SELENOH: variants seen among roughly 807,000 people sequenced by gnomAD.
The protein encoded by SELENOH is chromosome 11 open reading frame 31.
A neutral mutation model predicts 11.9 loss-of-function variants in SELENOH; 13 were observed. The ratio of observed to expected loss-of-function variants is 1.09; its 90% CI spans 0.71 to 1.74. SELENOH has a LOEUF of 1.74. Ranked by LOEUF, SELENOH falls within the 40% of genes most tolerant of loss-of-function variation. SELENOH has a pLI of 0.00. For synonymous variants in SELENOH, 96 were observed against 73.5 expected (o/e 1.31, Z -1.56); for missense variants, 223 against 170.3 (o/e 1.31, Z -1.72).
chr11:57,741,761 C>CA, intron 1 of SELENOH, 44 bp downstream of exon 1: 1 of 1,590,720 alleles, frequency 6.3e-7, no homozygotes, highest in East Asian at 2.3e-5. Context: ...ACAGTGGCGC[C>CA]GGGGGGGGCC....
chr11:57,741,807 A>G lies in SELENOH; in HGVS notation c.123-2A>G, dbSNP rs533666992. 1.2e-6 allele frequency: 2 copies of G among 1,605,560 alleles called. No individual in the cohort carries two copies. Among genetic ancestry groups the G allele is most frequent in the South Asian group, 1.1e-5 (1 of 89,712 alleles). ...GTTTCTAACCTCTCCGTCTCTCCCT[A>G]GCACTAGCTGACGCGTCTATGGGCG... is the stretch of plus-strand genomic sequence containing the variant. On this transcript the variant is annotated splice_acceptor_variant, in intron 1 of 3. Transcript: ENST00000534355. LOFTEE classifies it high-confidence loss of function.
rs763241805 is a variant in SELENOH at position 57,741,647 on chromosome 11, G to A, written c.52G>A (p.Ala18Thr). The A allele has an allele frequency of 2.8e-6, 4 of 1,415,366 alleles. No homozygotes were observed. The Admixed American group carries it at 1.2e-4, about 41-fold the overall frequency. 87.7% of individuals were successfully genotyped at this position (1,415,366 alleles called of 1,614,324 possible). ...RKAEAAVVAV[A>T]EKREKLANGG... is the part of the protein sequence containing the mutation. Reference sequence around the variant, plus strand: ...GGCTGAGGCCGCGGTGGTCGCCGTAGCCGAGAAGCGAGAGAAGCTGGCGAA... The same window carrying A: ...GGCTGAGGCCGCGGTGGTCGCCGTAACCGAGAAGCGAGAGAAGCTGGCGAA... Residue 18 changes from alanine (A) to threonine (T), a missense_variant, in exon 1 of 4, where the codon GCC becomes ACC. Ala to Thr is a moderately conservative substitution (Grantham distance 58). Transcript: ENST00000534355.
Position 57,741,710 on chromosome 11 carries a change from G to C in SELENOH, c.115G>C (p.Glu39Gln). 1.3e-6 allele frequency: 2 copies of C among 1,562,994 alleles called. No homozygotes were observed. The highest frequency in any genetic ancestry group is 1.7e-6 in the Non-Finnish European group (2 of 1,160,134). ...EGMEEATVVIEHCTSURVYGR... is the reference protein window; with the variant it reads ...EGMEEATVVIQHCTSURVYGR... ...AATGGAGGAGGCGACCGTTGTTATC[G>C]AGCATTGGTGAGGGGCCTGGAGAGT... The change falls in exon 1 of 4, where the codon GAG (glutamate) becomes CAG (glutamine). Residue 39 changes from glutamate to glutamine, a missense_variant. Coordinates refer to ENST00000534355, the MANE Select transcript of SELENOH (RefSeq NM_170746.4).
rs747142755 is a variant in SELENOH at position 57,743,149 on chromosome 11, T to A, written c.*317T>A. On this transcript the variant is annotated 3_prime_UTR_variant, in exon 4 of 4. Coordinates refer to ENST00000534355, the MANE Select transcript of SELENOH (RefSeq NM_170746.4). ...AAGATAGCCATGTGACCTGGAACTT[T>A]TAAAAAAAAATTTTTTTTTAAGAGC... 1 of 152,370 alleles carries A rather than the reference T, an allele frequency of 6.6e-6. No homozygotes were observed. Among genetic ancestry groups the A allele is most frequent in the Non-Finnish European group, 1.5e-5 (1 of 68,052 alleles). The allele number at this position is 152,370 out of a possible 1,614,324, so 9.4% of individuals were successfully genotyped here.
chr11:57,741,997 AG>A, intron 2 of SELENOH, 43 bp downstream of exon 2: 1 of 1,578,982 alleles, frequency 6.3e-7, no homozygotes, highest in Non-Finnish European at 8.6e-7. Flanking sequence ...CGTGGGTGAA[AG>A]GGACGTGGGT....
At position 57,741,890 on chromosome 11, in the gene SELENOH, G is replaced by C. The variant is rs746001100; in HGVS notation, c.204G>C (p.Lys68Asn). 2 of 1,594,586 alleles carry C rather than the reference G, an allele frequency of 1.3e-6. No individual in the cohort carries two copies. The highest frequency in any genetic ancestry group is 3.7e-5 in the Admixed American group (2 of 54,272). The part of the protein sequence containing the change: ...LRLEAPELPV[K>N]VNPTKPRRGS... ...TGGAGGCCCCAGAGCTTCCAGTAAA[G>C]GTGAACCCGACGAAGCCCCGGAGGG... The change falls in exon 2 of 4, where the codon AAG (lysine) becomes AAC (asparagine). Residue 68 changes from lysine (K) to asparagine (N), a missense_variant. Transcript: ENST00000534355.
chr11:57,742,441 A>G, intron 3 of SELENOH, 194 bp downstream of exon 3: 1 of 546,398 alleles, frequency 1.8e-6, no homozygotes, highest in South Asian at 2.1e-5. Context: ...AAGACACAAT[A>G]TTGTTTTCTG....
chr11:57,742,026 C>T, intron 2 of SELENOH, 72 bp downstream of exon 2: 1 of 1,583,074 alleles, frequency 6.3e-7, no homozygotes, highest in Non-Finnish European at 8.6e-7. Flanking sequence ...ACAGGAAGCG[C>T]TATTCTTAGA....
chr11:57,741,701 GT>G lies in SELENOH; in HGVS notation c.108del (p.Val37LeufsTer18). ...CGGGGAGGGAATGGAGGAGGCGACC[GT>G]TGTTATCGAGCATTGGTGAGGGGCC... ...NGGEGMEEAT[V>X]VIEHCTSURV... On this transcript the variant is annotated frameshift_variant, in exon 1 of 4. Transcript: ENST00000534355. LOFTEE classifies it high-confidence loss of function. 3 of 1,547,194 alleles carry G rather than the reference GT, an allele frequency of 1.9e-6. No homozygotes were observed. The highest frequency in any genetic ancestry group is 2.6e-6 in the Non-Finnish European group (3 of 1,151,172).
rs1266778248 is a variant in SELENOH, at chr11:57,741,693, A to C, written c.98A>C (p.Glu33Ala). ...GCGAACGGCGGGGAGGGAATGGAGG[A>C]GGCGACCGTTGTTATCGAGCATTGG... is the stretch of plus-strand genomic sequence containing the variant. ...KLANGGEGME[E>A]ATVVIEHCTS... The change falls in exon 1 of 4, where the codon GAG (glutamate) becomes GCG (alanine). Residue 33 changes from glutamate to alanine, a missense_variant. Glu to Ala is a moderately radical substitution (Grantham distance 107). Coordinates refer to ENST00000534355, the MANE Select transcript of SELENOH (RefSeq NM_170746.4). The C allele has an allele frequency of 6.6e-7, 1 of 1,523,704 alleles. No homozygotes were observed. The highest frequency in any genetic ancestry group is 2.5e-5 in the East Asian group (1 of 39,800). 94.4% of individuals were successfully genotyped at this position (1,523,704 alleles called of 1,614,324 possible).
Position 57,741,545 on chromosome 11 carries a change from C to G in SELENOH, c.-51C>G. ...CAGTTTCCGCTCAGTGGTCGCGTCT[C>G]CGCCCCCCACCCACCAGTCCCGCTG... On this transcript the variant is annotated 5_prime_UTR_variant, in exon 1 of 4. Transcript: ENST00000534355. 1 of 1,239,500 alleles carries G rather than the reference C, an allele frequency of 8.1e-7. No individual in the cohort carries two copies. 76.8% of individuals were successfully genotyped at this position (1,239,500 alleles called of 1,614,324 possible).
chr11:57,742,412 GAAAACAA>G (rs1029136558), intron 3 of SELENOH, 165 bp downstream of exon 3: 18 of 586,534 alleles, frequency 3.1e-5, no homozygotes, highest in African/African-American at 2.2e-4. Flanking sequence ...GACCCTATTT[GAAAACAA>G]AAAACAAAAA....
In SELENOH at chr11:57,741,861, C is replaced by T. The variant is rs1248191687; in HGVS notation, c.175C>T (p.Arg59Cys). The T allele has an allele frequency of 8.1e-6, 13 of 1,604,444 alleles. No homozygotes were observed. Among genetic ancestry groups the T allele is most frequent in the Non-Finnish European group, 1.0e-5 (12 of 1,176,592 alleles). Residue 59 changes from arginine to cysteine, a missense_variant, in exon 2 of 4, where the codon CGC (arginine) becomes TGC (cysteine). Transcript: ENST00000534355. Reference protein sequence around the residue: ...RNAAALSQALRLEAPELPVKV... With the variant: ...RNAAALSQALCLEAPELPVKV... ...CGCCGCGGCCCTGAGCCAGGCGCTGCGCCTGGAGGCCCCAGAGCTTCCAGT... is the reference window on the plus strand; with the variant it reads ...CGCCGCGGCCCTGAGCCAGGCGCTGTGCCTGGAGGCCCCAGAGCTTCCAGT...
At position 57,741,691 on chromosome 11, in the gene SELENOH, G is replaced by A. The variant is rs1325241223; in HGVS notation, c.96G>A (p.Glu32=). Residue 32 remains glutamate (E), a synonymous_variant, in exon 1 of 4, where the codon GAG becomes GAA. Transcript: ENST00000534355. ...EKLANGGEGM[E]EATVVIEHCT... Reference sequence around the variant, plus strand: ...TGGCGAACGGCGGGGAGGGAATGGAGGAGGCGACCGTTGTTATCGAGCATT... The same window carrying A: ...TGGCGAACGGCGGGGAGGGAATGGAAGAGGCGACCGTTGTTATCGAGCATT... The A allele has an allele frequency of 7.9e-6, 12 of 1,524,836 alleles. No individual in the cohort carries two copies. Among genetic ancestry groups the A allele is most frequent in the South Asian group, 1.2e-5 (1 of 80,604 alleles). 94.5% of individuals were successfully genotyped at this position (1,524,836 alleles called of 1,614,324 possible).
At chr11:57,742,313 C>A in intron 3 of SELENOH, 66 bp downstream of exon 3, 1 of 1,206,026 alleles carries the variant, frequency 8.3e-7, no homozygotes, top group Non-Finnish European at 1.2e-6. Context: ...CTTGGTGTGG[C>A]TACAAGTACC....
Position 57,741,578 on chromosome 11 carries a change from G to A in SELENOH, c.-18G>A, listed in dbSNP as rs760640039. ...CACCCACCAGTCCCGCTGCATTCTC[G>A]GCCGGGCTCTAGGCGCCATGGCTCC... On this transcript the variant is annotated 5_prime_UTR_variant, in exon 1 of 4. Transcript: ENST00000534355. 2 of 1,258,212 alleles carry A rather than the reference G, an allele frequency of 1.6e-6. No individual in the cohort carries two copies. The highest frequency in any genetic ancestry group is 3.1e-4 in the Middle Eastern group (1 of 3,228). 77.9% of individuals were successfully genotyped at this position (1,258,212 alleles called of 1,614,324 possible).
Position 57,741,957 on chromosome 11 carries a change from A to G in SELENOH, c.268+3A>G, listed in dbSNP as rs635663. On this transcript the variant is annotated splice_donor_region_variant and intron_variant, in intron 2 of 3. Transcript: ENST00000534355. ...GCTGCTGCGCCCGGACGGCAGCAGT[A>G]AGTGGGGACCTGGATGTGGGGGAGA... The G allele has an allele frequency of 0.99, 1,567,598 of 1,585,684 alleles. 776,282 individuals are homozygous for G. The highest frequency in any genetic ancestry group is 1 in the East Asian group (44,593 of 44,596).
chr11:57,743,550 A>G lies in SELENOH; in HGVS notation c.*718A>G, dbSNP rs1349128988. The stretch of plus-strand genomic sequence containing the variant: ...AAGTAAATAATTTATTTTTTAAAAA[A>G]GCAACTGTATCTTTTTCAACTTACT... On this transcript the variant is annotated 3_prime_UTR_variant, in exon 4 of 4. Coordinates refer to ENST00000534355, the MANE Select transcript of SELENOH (RefSeq NM_170746.4). 2.6e-5 allele frequency: 4 copies of G among 151,970 alleles called. No individual in the cohort carries two copies. Among genetic ancestry groups the G allele is most frequent in the African/African-American group, 9.7e-5 (4 of 41,434 alleles). 9.4% of individuals were successfully genotyped at this position (151,970 alleles called of 1,614,324 possible). A position where few individuals can be genotyped will look rare whatever the true frequency, so the allele number is the denominator to read the frequency against.
chr11:57,742,194 G>A lies in SELENOH; in HGVS notation c.346G>A (p.Glu116Lys). The A allele has an allele frequency of 6.2e-7, 1 of 1,610,812 alleles. No homozygotes were observed. Among genetic ancestry groups the A allele is most frequent in the Non-Finnish European group, 8.5e-7 (1 of 1,178,650 alleles). Residue 116 changes from glutamate (E) to lysine (K), a missense_variant, in exon 3 of 4, where the codon GAG becomes AAG. Coordinates refer to ENST00000534355, the MANE Select transcript of SELENOH (RefSeq NM_170746.4). ...CCCTGAGCCTCAAGAGGTGGTGGAA[G>A]AGTTGAAGAAGTACCTGTCGTAGGG... Reference protein sequence around the residue: ...KFPEPQEVVEELKKYLS With the variant: ...KFPEPQEVVEKLKKYLS
Sources: gnomAD v4.1 joint callset for allele counts on GRCh38, gnomAD v4.1.1 for gene constraint, MANE v1.5 for transcripts, NCBI Gene and HGNC (gene_info 2026-07-23, HGNC 2026-07-21) for gene names.